CFTR: variants seen among roughly 807,000 people sequenced by gnomAD.
CFTR encodes the protein CF transmembrane conductance regulator.
Under a neutral mutation model 171.6 loss-of-function variants are expected in CFTR, and 181 were observed. That is an observed-to-expected ratio of 1.05 (90% CI 0.93 to 1.19). CFTR has a LOEUF of 1.19. Ranked by LOEUF, CFTR falls within the 50% of genes most tolerant of loss-of-function variation. CFTR has a pLI of 0.00. For synonymous variants in CFTR, 583 were observed against 608.0 expected, an observed-to-expected ratio of 0.96 and a Z score of 0.60; for missense variants, 1,968 against 1,734.7, an observed-to-expected ratio of 1.13 and a Z score of -2.39.
rs368630959 is a variant in CFTR, at chr7:117,537,327, C to T, written c.869+654C>T. 1.1e-4 allele frequency among the ~76,000 whole-genome samples: 17 copies of T among 152,150 alleles called. No homozygotes were observed. In the East Asian group the frequency reaches 1.2e-3, roughly 10 times the overall value. ...TATATCCAACAAAGAAAGTACAGCACAGACTGAGATATGATTACTGAGATA... is the reference window on the plus strand; with the variant it reads ...TATATCCAACAAAGAAAGTACAGCATAGACTGAGATATGATTACTGAGATA... On this transcript the variant is annotated intron_variant, in intron 7 of 26. Coordinates refer to ENST00000003084, the MANE Select transcript of CFTR (RefSeq NM_000492.4).
Position 117,548,429 on chromosome 7 carries a change from T to A in CFTR, c.1210-212T>A, listed in dbSNP as rs558272203. Among the ~76,000 whole-genome samples, 86 of 150,642 alleles carry A rather than the reference T, an allele frequency of 5.7e-4. 1 individual carries two copies. The highest frequency in any genetic ancestry group is 2.1e-3 in the African/African-American group (84 of 40,938). On this transcript the variant is annotated intron_variant, in intron 9 of 26. Transcript: ENST00000003084. ...AATTAAAAAATCTTTAACTTGATAATGGGCAAATATCTTAGTTTTAGATCA... is the reference window on the plus strand; with the variant it reads ...AATTAAAAAATCTTTAACTTGATAAAGGGCAAATATCTTAGTTTTAGATCA...
At chr7:117,499,695 C>G (rs758574912) in intron 1 of CFTR, among the ~76,000 whole-genome samples, 13 of 151,412 alleles carry the variant, frequency 8.6e-5, no homozygotes, top group Non-Finnish European at 1.9e-4. Context: ...GTGGCTCATG[C>G]CTGTAATTCC....
intron 2 of CFTR, among the ~76,000 whole-genome samples, chr7:117,508,821 TC>T (rs1798464178): frequency 6.6e-6 from 1 of 152,244 alleles, no homozygotes; most frequent in South Asian, 2.1e-4. Flanking sequence ...TGAAATCAAT[TC>T]CCTGCACAGT....
At chr7:117,599,072 G>A (rs1345468234) in intron 15 of CFTR, among the ~76,000 whole-genome samples, 1 of 151,904 alleles carries the variant, frequency 6.6e-6, no homozygotes, top group East Asian at 1.9e-4. Flanking sequence ...ACGAGATTGG[G>A]TAATTTATTA....
At chr7:117,623,667 C>T (rs1414995264) in intron 21 of CFTR, among the ~76,000 whole-genome samples, 2 of 152,106 alleles carry the variant, frequency 1.3e-5, no homozygotes, top group African/African-American at 4.8e-5. Context: ...AAAATTGCAG[C>T]CTGGACTACT....
rs1403351382 is a variant in CFTR, at chr7:117,665,502, G to T, written c.4180G>T (p.Asp1394Tyr). 6.2e-7 allele frequency: 1 copy of T among 1,613,156 alleles called. No homozygotes were observed. Among genetic ancestry groups the T allele is most frequent in the Non-Finnish European group, 8.5e-7 (1 of 1,179,414 alleles). Residue 1394 changes from aspartate to tyrosine, a missense_variant, in exon 26 of 27, where the codon GAT becomes TAT. Coordinates refer to ENST00000003084, the MANE Select transcript of CFTR (RefSeq NM_000492.4). ...AAGAACTCTAAAACAAGCATTTGCT[G>T]ATTGCACAGTAATTCTCTGTGAACA... ...IRRTLKQAFA[D>Y]CTVILCEHRI...
At chr7:117,494,461 A>G (rs936896300) in intron 1 of CFTR, among the ~76,000 whole-genome samples, 9 of 152,098 alleles carry the variant, frequency 5.9e-5, no homozygotes, top group African/African-American at 2.2e-4. Flanking sequence ...AGCTTATCAG[A>G]GCATTTATGT....
At chr7:117,649,485 G>T (rs6466616) in intron 23 of CFTR, among the ~76,000 whole-genome samples, 45,133 of 123,054 alleles carry the variant, frequency 0.37, 7,977 homozygotes, top group African/African-American at 0.6. Context: ...TATATATATA[G>T]TGTGTGTGTG....
chr7:117,661,424 A>C (rs769859789), intron 24 of CFTR, among the ~76,000 whole-genome samples: 2 of 152,252 alleles, frequency 1.3e-5, no homozygotes, highest in Non-Finnish European at 2.9e-5. Flanking sequence ...TACTTTGCTC[A>C]GCTCTTTGCC....
At chr7:117,495,652 A>T (rs1418413051) in intron 1 of CFTR, among the ~76,000 whole-genome samples, 1 of 152,174 alleles carries the variant, frequency 6.6e-6, no homozygotes, top group Non-Finnish European at 1.5e-5. Flanking sequence ...GCATGTCACC[A>T]GTCCTTAGAT....
At chr7:117,548,317 G>A (rs562903634) in intron 9 of CFTR, among the ~76,000 whole-genome samples, 11 of 146,398 alleles carry the variant, frequency 7.5e-5, no homozygotes, top group Non-Finnish European at 1.1e-4. Flanking sequence ...TATGTACCCC[G>A]CTTATAGGAG....
chr7:117,625,656 A>G (rs1177736274), intron 21 of CFTR, among the ~76,000 whole-genome samples: 1 of 152,188 alleles, frequency 6.6e-6, no homozygotes, highest in Non-Finnish European at 1.5e-5. Flanking sequence ...TCAAGTCTCA[A>G]CTTTATACAG....
intron 1 of CFTR, among the ~76,000 whole-genome samples, chr7:117,488,552 A>C (rs1195409582): frequency 6.6e-6 from 1 of 152,060 alleles, no homozygotes; most frequent in South Asian, 2.1e-4. Context: ...TGTGTCCTTC[A>C]AGGCAAAGGC....
At position 117,660,796 on chromosome 7, in the gene CFTR, CTGTT is replaced by C. The variant is rs150288526; in HGVS notation, c.3964-3882_3964-3879del. ...AAATCAGATGATCTCTAGCAATTTC[CTGTT>C]TGTTTGTTTTTTGCCCATAGTGCTT... On this transcript the variant is annotated intron_variant, in intron 24 of 26. Coordinates refer to ENST00000003084, the MANE Select transcript of CFTR (RefSeq NM_000492.4). Among the ~76,000 whole-genome samples the C allele has an allele frequency of 5.7e-3, 871 of 151,858 alleles. 8 individuals are homozygous for C. The highest frequency in any genetic ancestry group is 0.02 in the African/African-American group (830 of 41,394).
chr7:117,566,100 A>G (rs901812216), intron 11 of CFTR, among the ~76,000 whole-genome samples: 3 of 152,154 alleles, frequency 2.0e-5, no homozygotes, highest in Non-Finnish European at 4.4e-5. Flanking sequence ...ATAGGAATTA[A>G]CATTTGCATT....
chr7:117,617,503 CCTT>C (rs1376038881), intron 21 of CFTR, among the ~76,000 whole-genome samples: 2 of 151,994 alleles, frequency 1.3e-5, no homozygotes, highest in South Asian at 2.1e-4. Context: ...CTTTTTCCCA[CCTT>C]CTTCTTCCTT....
At chr7:117,536,322 A>G (rs1043509791) in intron 6 of CFTR, among the ~76,000 whole-genome samples, 14 of 152,182 alleles carry the variant, frequency 9.2e-5, no homozygotes, top group Non-Finnish European at 4.4e-5. Context: ...ATAGGCTGTC[A>G]TAAGGGATAG....
At position 117,666,910 on chromosome 7, in the gene CFTR, C is replaced by T; in HGVS notation, c.4245C>T (p.Val1415=). Residue 1415 remains valine, a splice_region_variant and synonymous_variant, in exon 27 of 27, where the codon GTC becomes GTT. Coordinates refer to ENST00000003084, the MANE Select transcript of CFTR (RefSeq NM_000492.4). ...EAMLECQQFL[V]IEENKVRQYD... Reference sequence around the variant, plus strand: ...CTCACTAACAGCCATTTCCCTAGGTCATAGAAGAGAACAAAGTGCGGCAGT... The same window carrying T: ...CTCACTAACAGCCATTTCCCTAGGTTATAGAAGAGAACAAAGTGCGGCAGT... 18 of 1,613,908 alleles carry T rather than the reference C, an allele frequency of 1.1e-5. No individual in the cohort carries two copies. Among genetic ancestry groups the T allele is most frequent in the Non-Finnish European group, 1.5e-5 (18 of 1,179,890 alleles).
At chr7:117,518,623 G>A (rs1205321205) in intron 3 of CFTR, among the ~76,000 whole-genome samples, 4 of 149,824 alleles carry the variant, frequency 2.7e-5, no homozygotes, top group Non-Finnish European at 4.4e-5. Flanking sequence ...TAGAGACAGG[G>A]TCTCATCATG....
Sources: allele counts gnomAD v4.1 joint callset (sites outside exome capture counted in the v4.1 genomes callset), GRCh38; gene constraint gnomAD v4.1.1; transcripts MANE v1.5; gene names NCBI Gene and HGNC (gene_info 2026-07-23, HGNC 2026-07-21).